Variants in TSHZ2 observed in about 807,000 individuals in gnomAD.
TSHZ2 encodes teashirt homolog 2.
TSHZ2 carries 21 observed loss-of-function variants against 74.4 expected under a neutral mutation model. The ratio of observed to expected loss-of-function variants is 0.28; its 90% confidence interval spans 0.20 to 0.41. The LOEUF (loss-of-function observed/expected upper bound fraction) is 0.41. TSHZ2 is among the 10% of genes least tolerant of loss of function. The pLI is 1.00. For synonymous variants in TSHZ2, 540 were observed against 515.3 expected (o/e 1.05, Z -0.65); for missense variants, 1,244 against 1,293.5 (o/e 0.96, Z 0.59).
chr20:53,255,890 C>T lies in TSHZ2; in HGVS notation c.2432C>T (p.Ala811Val), dbSNP rs758091559. 1.4e-5 allele frequency: 22 copies of T among 1,613,590 alleles called. No individual in the cohort carries two copies. Among genetic ancestry groups the T allele is most frequent in the African/African-American group, 2.7e-5 (2 of 74,920 alleles). Reference sequence around the variant, plus strand: ...CCCAAAGCCACCACCCCAAAGCCAGCCTCCTCCTCCAGGGTCCCCCCCATG... The same window carrying T: ...CCCAAAGCCACCACCCCAAAGCCAGTCTCCTCCTCCAGGGTCCCCCCCATG... ...VLPKATTPKP[A>V]SSSRVPPMKL... The change falls in exon 2 of 3, where the codon GCC becomes GTC. Residue 811 changes from alanine to valine, a missense_variant. By Grantham distance (64) the Ala-to-Val change is moderately conservative. Around this residue, in one of 6 missense-constraint regions of TSHZ2, gnomAD observed 562 missense variants for 544.0 expected, o/e 1.03. Transcript: ENST00000371497. The surrounding 1 kb of genome is among the most constrained non-coding windows in gnomAD (Gnocchi z 4.1).
At chr20:53,135,776 A>AT (rs930491430) in intron 1 of TSHZ2, among the ~76,000 whole-genome samples, 240 of 144,984 alleles carry the variant, frequency 1.7e-3, no homozygotes, top group East Asian at 4.6e-3. Flanking sequence ...CTAATGTTTT[A>AT]TTTTTTTTTT....
chr20:53,453,599 G>A (rs1187819356), intron 2 of TSHZ2, among the ~76,000 whole-genome samples: 2 of 152,164 alleles, frequency 1.3e-5, no homozygotes, highest in East Asian at 3.8e-4. Flanking sequence ...TTAAAACCAG[G>A]AGGGGAAAAG....
intron 1 of TSHZ2, chr20:53,178,731 G>T (rs1414175873): frequency 1.3e-5 from 2 of 152,212 alleles, no homozygotes; most frequent in African/African-American, 2.4e-5. Flanking sequence ...TTTATAAGAA[G>T]ATAGAGTAAA....
chr20:52,976,566 G>A (rs572912277), intron 1 of TSHZ2, among the ~76,000 whole-genome samples: 3 of 152,200 alleles, frequency 2.0e-5, no homozygotes, highest in Non-Finnish European at 4.4e-5. Flanking sequence ...AAACAGAACG[G>A]TGTTTTGATT....
chr20:53,478,668 A>T (rs1362270437), intron 2 of TSHZ2, among the ~76,000 whole-genome samples: 1 of 150,690 alleles, frequency 6.6e-6, no homozygotes, highest in Non-Finnish European at 1.5e-5. Flanking sequence ...AAAAATAAAT[A>T]AAAAATAAAA....
chr20:53,148,864 GCT>G (rs1987607357), intron 1 of TSHZ2, among the ~76,000 whole-genome samples: 1 of 152,132 alleles, frequency 6.6e-6, no homozygotes, highest in Non-Finnish European at 1.5e-5. Flanking sequence ...AACAAACAAA[GCT>G]CGGGTTGACT....
In TSHZ2 at chr20:53,174,137, C is replaced by T. The variant is rs73270666; in HGVS notation, c.41-79362C>T. Among the ~76,000 whole-genome samples, 797 of 152,222 alleles carry T rather than the reference C, an allele frequency of 5.2e-3. 6 individuals carry two copies. The highest frequency in any genetic ancestry group is 0.018 in the African/African-American group (756 of 41,534). On this transcript the variant is annotated intron_variant, in intron 1 of 2. Transcript: ENST00000371497. ...TATCTGTGTGTTGTCCTAGCTCTAACGGTTTTAGCATGGGAGAGATGTCAA... is the reference window on the plus strand; with the variant it reads ...TATCTGTGTGTTGTCCTAGCTCTAATGGTTTTAGCATGGGAGAGATGTCAA...
intron 2 of TSHZ2, among the ~76,000 whole-genome samples, chr20:53,430,618 C>T (rs1983809478): frequency 6.6e-6 from 1 of 151,342 alleles, no homozygotes; most frequent in Non-Finnish European, 1.5e-5. Flanking sequence ...TCACTTGAGC[C>T]CAGGAATTCA....
At chr20:53,035,769 T>A (rs1274342340) in intron 1 of TSHZ2, among the ~76,000 whole-genome samples, 1 of 152,200 alleles carries the variant, frequency 6.6e-6, no homozygotes, top group Non-Finnish European at 1.5e-5. Flanking sequence ...TTCATTGGTT[T>A]CATAGCAGAG....
intron 1 of TSHZ2, among the ~76,000 whole-genome samples, chr20:53,114,397 C>A (rs904850060): frequency 5.3e-5 from 8 of 152,050 alleles, no homozygotes; most frequent in Non-Finnish European, 1.2e-4. Context: ...AAACTTCAGA[C>A]CCTCATCTAT....
chr20:53,472,630 G>C lies in TSHZ2; in HGVS notation c.*9-14514G>C, dbSNP rs566317015. ...AGAACTGGAAGATGCTGCTTAGAAA[G>C]AGCTCCTCAGGGGGGAGGGAGGAGC... On this transcript the variant is annotated intron_variant, in intron 2 of 2. Transcript: ENST00000371497. Among the ~76,000 whole-genome samples the C allele has an allele frequency of 2.0e-5, 3 of 151,948 alleles. No homozygotes were observed. The East Asian group carries it at 5.8e-4, about 29-fold the overall frequency.
intron 2 of TSHZ2, among the ~76,000 whole-genome samples, chr20:53,381,917 T>G (rs1305395807): frequency 6.6e-6 from 1 of 152,246 alleles, no homozygotes; most frequent in Non-Finnish European, 1.5e-5. Flanking sequence ...CATTGCTTTC[T>G]CTGCCAGCTC....
intron 2 of TSHZ2, among the ~76,000 whole-genome samples, chr20:53,284,013 G>A (rs559601680): frequency 4.9e-4 from 75 of 152,334 alleles, no homozygotes; most frequent in Non-Finnish European, 8.7e-4. Context: ...GTGGCAGAAG[G>A]AAAGTAAAAA....
At chr20:53,114,270 C>T (rs922482796) in intron 1 of TSHZ2, among the ~76,000 whole-genome samples, 1 of 152,114 alleles carries the variant, frequency 6.6e-6, no homozygotes, top group African/African-American at 2.4e-5. Context: ...ATACACAAAG[C>T]ATCCATGAAG....
chr20:53,450,104 T>C (rs1033379821), intron 2 of TSHZ2, among the ~76,000 whole-genome samples: 3 of 152,256 alleles, frequency 2.0e-5, no homozygotes, highest in South Asian at 2.1e-4. Flanking sequence ...TTGTGATTCA[T>C]AGAAGGCACT....
At chr20:53,017,874 A>G (rs1240322484) in intron 1 of TSHZ2, among the ~76,000 whole-genome samples, 1 of 152,160 alleles carries the variant, frequency 6.6e-6, no homozygotes, top group Non-Finnish European at 1.5e-5. Flanking sequence ...TCTCTCTTTC[A>G]CAATAGACTA....
intron 2 of TSHZ2, among the ~76,000 whole-genome samples, chr20:53,311,229 G>A (rs537397339): frequency 6.6e-6 from 1 of 152,290 alleles, no homozygotes; most frequent in East Asian, 1.9e-4. Flanking sequence ...AAAGTACAGT[G>A]CACTTATTTT....
rs143786208 is a variant in TSHZ2, at chr20:53,104,107, C to T, written c.40+130774C>T. Among the ~76,000 whole-genome samples the T allele has an allele frequency of 1.8e-4, 28 of 152,228 alleles. 1 individual carries two copies. In the East Asian group the frequency reaches 3.7e-3, roughly 20 times the overall value. On this transcript the variant is annotated intron_variant, in intron 1 of 2. Transcript: ENST00000371497. ...AATGGACATCTGAGTTCTAAGACAT[C>T]GCGCTCTGCAGAGGTGCCATGATCT...
At chr20:53,166,347 A>G (rs1200616468) in intron 1 of TSHZ2, among the ~76,000 whole-genome samples, 2 of 152,184 alleles carry the variant, frequency 1.3e-5, no homozygotes, top group East Asian at 3.8e-4. Flanking sequence ...GCTGGGCATG[A>G]TGGCTTACAC....
Sources: allele counts gnomAD v4.1 joint callset (sites outside exome capture counted in the v4.1 genomes callset), GRCh38; gene constraint gnomAD v4.1.1; regional missense constraint gnomAD v4.1.1; non-coding constraint Gnocchi (gnomAD v3.1); transcripts MANE v1.5; gene names NCBI Gene and HGNC (gene_info 2026-07-23, HGNC 2026-07-21).